The following HMCN2 variants were observed in gnomAD, a reference collection of about 807,000 sequenced individuals.
HMCN2 encodes the protein hemicentin 2, also known as hemicentin-2.
A neutral mutation model predicts 377.5 loss-of-function variants in HMCN2; 325 were observed. The observed-to-expected ratio is 0.86, with a 90% CI of 0.79 to 0.94. The LOEUF (loss-of-function observed/expected upper bound fraction) is 0.94, where lower values mean the gene tolerates loss of function less well. Among genes scored for constraint, HMCN2 ranks in the 40% least tolerant of loss-of-function variants. The pLI, the probability that HMCN2 is intolerant of heterozygous loss-of-function variation, is 0.00. For missense variants in HMCN2, 4,543 were observed against 4,725.3 expected (o/e 0.96, Z 1.13); for synonymous variants, 2,007 against 2,046.8 (o/e 0.98, Z 0.53).
chr9:130,395,832 C>T lies in HMCN2; in HGVS notation c.10912-92C>T, dbSNP rs541360599. The T allele has an allele frequency of 2.8e-5, 34 of 1,195,142 alleles. No individual in the cohort carries two copies. The African/African-American group carries it at 5.3e-4, about 19-fold the overall frequency. 74.0% of individuals were successfully genotyped at this position (1,195,142 alleles called of 1,614,324 possible). On this transcript the variant is annotated intron_variant, in intron 71 of 97. Transcript: ENST00000683500. ...GAAGTACAGAGCCACTGTCCAGCTTCACCAGTTCCTCAGTCTTCCACATCT... is the reference window on the plus strand; with the variant it reads ...GAAGTACAGAGCCACTGTCCAGCTTTACCAGTTCCTCAGTCTTCCACATCT...
intron 86 of HMCN2, among the ~76,000 whole-genome samples, chr9:130,421,527 G>A (rs1178998323): frequency 2.6e-5 from 4 of 152,126 alleles, no homozygotes; most frequent in East Asian, 1.9e-4. Context: ...GAGAGCTGGC[G>A]GTGGCTTGCC....
At chr9:130,313,916 A>G (rs1837407671) in intron 15 of HMCN2, among the ~76,000 whole-genome samples, 1 of 151,222 alleles carries the variant, frequency 6.6e-6, no homozygotes, top group East Asian at 1.9e-4. Context: ...AGTAGCTGGG[A>G]TTACAGACAC....
rs184181520 is a variant in HMCN2, at chr9:130,364,848, C to T, written c.6367C>T (p.Arg2123Trp). 24 of 986,018 alleles carry T rather than the reference C, an allele frequency of 2.4e-5. No individual in the cohort carries two copies. In the East Asian group the frequency reaches 1.1e-3, roughly 47 times the overall value. The allele number at this position is 986,018 out of a possible 1,614,324, so 61.1% of individuals were successfully genotyped here. A position where few individuals can be genotyped will look rare whatever the true frequency, so the allele number is the denominator to read the frequency against. The change falls in exon 41 of 98, where the codon CGG becomes TGG. Residue 2123 changes from arginine (R) to tryptophan (W), a missense_variant. Physicochemically the swap from Arg to Trp is moderately radical, Grantham distance 101 (BLOSUM62 -3). This residue lies in a region of HMCN2 where 1,032 missense variants were observed against 1,285.1 expected (regional missense o/e 0.80). Transcript: ENST00000683500. ...WWKDGRPLEP[R>W]PGVHLSADKA... ...GAAGGACGGGCGGCCCCTGGAACCA[C>T]GGCCTGGAGTCCACCTCTCCGCAGA...
intron 4 of HMCN2, among the ~76,000 whole-genome samples, chr9:130,293,407 T>C (rs1835924416): frequency 1.3e-5 from 2 of 151,570 alleles, no homozygotes; most frequent in South Asian, 2.1e-4. Flanking sequence ...GATTTTATGG[T>C]TGAGCTCACT....
Position 130,307,487 on chromosome 9 carries a change from G to A in HMCN2, c.2121G>A (p.Val707=), listed in dbSNP as rs1836940441. Residue 707 remains valine (V), a synonymous_variant, in exon 14 of 98, where the codon GTG becomes GTA. Coordinates refer to ENST00000683500, the MANE Select transcript of HMCN2 (RefSeq NM_001291815.2). ...PPSVSAVNAV[V]LVAVGEEAVL... is the part of the protein sequence containing the mutation. ...CGGTCTCTGCTGTAAATGCCGTGGT[G>A]CTGGTGGCCGTTGGGGAGGAGGCTG... 2.1e-6 allele frequency: 1 copy of A among 471,092 alleles called. No homozygotes were observed. Among genetic ancestry groups the A allele is most frequent in the Non-Finnish European group, 4.4e-6 (1 of 227,068 alleles). The allele number at this position is 471,092 out of a possible 1,614,324, so 29.2% of individuals were successfully genotyped here. A position where few individuals can be genotyped will look rare whatever the true frequency, so the allele number is the denominator to read the frequency against.
Position 130,391,572 on chromosome 9 carries a change from T to C in HMCN2, c.9950T>C (p.Leu3317Pro). ...EDARLHTVNVLVPPTIKQGAD... is the reference protein window; with the variant it reads ...EDARLHTVNVPVPPTIKQGAD... The stretch of plus-strand genomic sequence containing the variant: ...GCCAGGCTGCACACGGTGAATGTGC[T>C]GGGTGAGGAGCCCCAGGGCATCTGG... The change falls in exon 65 of 98, where the codon CTG (leucine) becomes CCG (proline). Residue 3317 changes from leucine to proline, a missense_variant and splice_region_variant. By Grantham distance (98) the Leu-to-Pro change is moderately conservative. This residue lies in a region of HMCN2 where 1,073 missense variants were observed against 1,319.5 expected (regional missense o/e 0.81). Coordinates refer to ENST00000683500, the MANE Select transcript of HMCN2 (RefSeq NM_001291815.2). The C allele has an allele frequency of 1.0e-6, 1 of 987,028 alleles. No individual in the cohort carries two copies. Among genetic ancestry groups the C allele is most frequent in the South Asian group, 4.7e-5 (1 of 21,334 alleles). The allele number at this position is 987,028 out of a possible 1,614,324, so 61.1% of individuals were successfully genotyped here.
chr9:130,290,435 G>A (rs201552153), intron 4 of HMCN2, among the ~76,000 whole-genome samples: 1 of 152,214 alleles, frequency 6.6e-6, no homozygotes, highest in East Asian at 1.9e-4. Flanking sequence ...CAGCAGTTAC[G>A]ACACAGTAGC....
rs1315873907 is a variant in HMCN2, at chr9:130,393,062, C to G, written c.10137-150C>G. 4 of 291,640 alleles carry G rather than the reference C, an allele frequency of 1.4e-5. No homozygotes were observed. The highest frequency in any genetic ancestry group is 6.8e-5 in the African/African-American group (3 of 43,890). The allele number at this position is 291,640 out of a possible 1,614,324, so 18.1% of individuals were successfully genotyped here. ...AAGGCTGGGCTCAGTCACCCCGCCC[C>G]CTCTGGCCAGCAAGCTCTTGGGAGA... is the stretch of plus-strand genomic sequence containing the variant. On this transcript the variant is annotated intron_variant, in intron 66 of 97. Transcript: ENST00000683500. This position sits in a 1 kb window ranked among gnomAD's most constrained non-coding sequence, Gnocchi z 5.2.
intron 1 of HMCN2, among the ~76,000 whole-genome samples, chr9:130,266,459 G>T (rs1455002779): frequency 6.6e-6 from 1 of 152,256 alleles, no homozygotes; most frequent in African/African-American, 2.4e-5. Flanking sequence ...GGTGAGGATG[G>T]CCTCCCAGAC....
intron 14 of HMCN2, among the ~76,000 whole-genome samples, chr9:130,309,396 T>G (rs182638270): frequency 6.6e-6 from 1 of 150,394 alleles, no homozygotes; most frequent in East Asian, 2.0e-4. Flanking sequence ...GTGCCTATAA[T>G]CCCAGATACT....
At chr9:130,298,260 A>AT (rs1194300670) in intron 7 of HMCN2, among the ~76,000 whole-genome samples, 59 of 152,076 alleles carry the variant, frequency 3.9e-4, no homozygotes, top group African/African-American at 1.3e-3. Flanking sequence ...GGCCAAGATA[A>AT]TTTTTTTTAA....
rs764279393 is a variant in HMCN2 at position 130,355,017 on chromosome 9, G to A, written c.5119G>A (p.Val1707Ile). The stretch of plus-strand genomic sequence containing the variant: ...GGCCAGCAGTCCTGCCGGGGAAGCC[G>A]TCCTGCAGTACTCCGTGGAGGTTCA... ...CVASSPAGEAVLQYSVEVQVP... is the reference protein window; with the variant it reads ...CVASSPAGEAILQYSVEVQVP... Residue 1707 changes from valine to isoleucine, a missense_variant, in exon 32 of 98, where the codon GTC (valine) becomes ATC (isoleucine). Transcript: ENST00000683500. 2.6e-5 allele frequency: 34 copies of A among 1,290,478 alleles called. No homozygotes were observed. Among genetic ancestry groups the A allele is most frequent in the African/African-American group, 3.0e-5 (2 of 65,804 alleles). 79.9% of individuals were successfully genotyped at this position (1,290,478 alleles called of 1,614,324 possible).
chr9:130,358,139 T>G (rs1224666021), intron 35 of HMCN2, 151 bp downstream of exon 35: 1 of 517,980 alleles, frequency 1.9e-6, no homozygotes, highest in African/African-American at 2.1e-5. Flanking sequence ...AGCCTCAGCC[T>G]CTTCCGGGTC....
intron 1 of HMCN2, 26 bp from the exon 2 acceptor site, chr9:130,284,577 T>C (rs1554926883): frequency 4.2e-6 from 2 of 471,166 alleles, no homozygotes; most frequent in South Asian, 3.1e-5. Flanking sequence ...CCAGCCCATC[T>C]GGGCGTCCCT....
At chr9:130,326,103 G>A (rs1464061952) in intron 21 of HMCN2, 133 bp downstream of exon 21, 1 of 152,202 alleles carries the variant, frequency 6.6e-6, no homozygotes. Context: ...ACGTGGCTCT[G>A]CACAGGACCC....
Position 130,281,390 on chromosome 9 carries a change from G to A in HMCN2, c.260-3213G>A, listed in dbSNP as rs1436204021. On this transcript the variant is annotated intron_variant, in intron 1 of 97. Transcript: ENST00000683500. ...GCAAGTGTATCACATGAGTCCAAGA[G>A]TTTGAGATCAGCCTGGCCAACATGG... 3.3e-5 allele frequency among the ~76,000 whole-genome samples: 5 copies of A among 152,204 alleles called. No individual in the cohort carries two copies. The East Asian group carries it at 9.7e-4, about 29-fold the overall frequency.
At chr9:130,365,007 C>T (rs1840616635) in intron 41 of HMCN2, 118 bp downstream of exon 41, 1 of 566,874 alleles carries the variant, frequency 1.8e-6, no homozygotes, top group South Asian at 7.6e-5. Flanking sequence ...GGATGGAGGA[C>T]AAAACCCCAG....
rs182436746 is a variant in HMCN2 at position 130,299,961 on chromosome 9, A to T, written c.1276+673A>T. 2.3e-4 allele frequency among the ~76,000 whole-genome samples: 34 copies of T among 149,428 alleles called. No individual in the cohort carries two copies. The South Asian group carries it at 7.0e-3, about 31-fold the overall frequency. On this transcript the variant is annotated intron_variant, in intron 8 of 97. Transcript: ENST00000683500. ...CATTGACTCACCTATTCATCCATCC[A>T]CCCACCCGCTCACTCACCCACCCAT...
Position 130,394,074 on chromosome 9 carries a change from T to C in HMCN2, c.10501+66T>C, listed in dbSNP as rs1255006741. 4.4e-5 allele frequency: 52 copies of C among 1,180,126 alleles called. No individual in the cohort carries two copies. Among genetic ancestry groups the C allele is most frequent in the Non-Finnish European group, 5.1e-5 (48 of 934,534 alleles). The allele number at this position is 1,180,126 out of a possible 1,614,324, so 73.1% of individuals were successfully genotyped here. A position where few individuals can be genotyped will look rare whatever the true frequency, so the allele number is the denominator to read the frequency against. The stretch of plus-strand genomic sequence containing the variant: ...GGAGAGGGTGGGACTCTAGGGGCAA[T>C]GGGAAGGACAGTGAGGGAGGTGAGT... On this transcript the variant is annotated intron_variant, in intron 68 of 97. Coordinates refer to ENST00000683500, the MANE Select transcript of HMCN2 (RefSeq NM_001291815.2). The surrounding 1 kb of genome is among the most constrained non-coding windows in gnomAD (Gnocchi z 5.1).
Sources: allele counts gnomAD v4.1 joint callset (sites outside exome capture counted in the v4.1 genomes callset), GRCh38; gene constraint gnomAD v4.1.1; regional missense constraint gnomAD v4.1.1; non-coding constraint Gnocchi (gnomAD v3.1); transcripts MANE v1.5; gene names NCBI Gene and HGNC (gene_info 2026-07-23, HGNC 2026-07-21).